FOXK1: variants seen among roughly 807,000 people sequenced by gnomAD.
FOXK1 encodes forkhead box protein K1.
Under a neutral mutation model 51.9 loss-of-function variants are expected in FOXK1, and 19 were observed. That is an observed-to-expected ratio of 0.37 (90% confidence interval 0.26 to 0.54). FOXK1 has a LOEUF of 0.54. Among genes scored for constraint, FOXK1 ranks in the 20% least tolerant of loss-of-function variants. The pLI is 0.87. For missense variants in FOXK1, 870 were observed against 1,032.7 expected (o/e 0.84, Z 2.16); for synonymous variants, 537 against 482.6 (o/e 1.11, Z -1.48).
intron 1 of FOXK1, among the ~76,000 whole-genome samples, chr7:4,713,538 C>G (rs1386370617): frequency 6.6e-6 from 1 of 151,278 alleles, no homozygotes; most frequent in Non-Finnish European, 1.5e-5. Flanking sequence ...TGTCGCCAGG[C>G]TGGAGTGCAG....
rs952682187 is a variant in FOXK1 at position 4,703,516 on chromosome 7, G to A, written c.560+20648G>A. 6.6e-6 allele frequency among the ~76,000 whole-genome samples: 1 copy of A among 152,224 alleles called. No homozygotes were observed. Among genetic ancestry groups the A allele is most frequent in the Admixed American group, 6.5e-5 (1 of 15,288 alleles). ...CCAGGGTGGCCCGACCCTGCTGCGC[G>A]GGAGGGAAAGAGCCACAACAAGTTG... On this transcript the variant is annotated intron_variant, in intron 1 of 8. Transcript: ENST00000328914. The surrounding 1 kb of genome is among the most constrained non-coding windows in gnomAD (Gnocchi z 5.6).
Position 4,682,837 on chromosome 7 carries a change from C to A in FOXK1, c.529C>A (p.Arg177Ser), listed in dbSNP as rs1487494624. Residue 177 changes from arginine (R) to serine (S), a missense_variant, in exon 1 of 9, where the codon CGC becomes AGC. Transcript: ENST00000328914. The surrounding 1 kb of genome is among the most constrained non-coding windows in gnomAD (Gnocchi z 7.6). ...GVFVDGAFQR[R>S]GAPALQLPKQ... ...CTTCGTGGACGGGGCCTTCCAGAGA[C>A]GCGGCGCGCCCGCCCTGCAGCTGCC... 4.5e-6 allele frequency: 7 copies of A among 1,565,292 alleles called. No homozygotes were observed. The South Asian group carries it at 8.0e-5, about 18-fold the overall frequency.
chr7:4,728,262 C>A (rs1424486553), intron 1 of FOXK1, among the ~76,000 whole-genome samples: 1 of 152,206 alleles, frequency 6.6e-6, no homozygotes, highest in African/African-American at 2.4e-5. Flanking sequence ...TGTTGCTGTC[C>A]TTTCAAGGTT....
At chr7:4,718,625 G>A (rs1780268677) in intron 1 of FOXK1, among the ~76,000 whole-genome samples, 1 of 152,210 alleles carries the variant, frequency 6.6e-6, no homozygotes, top group Non-Finnish European at 1.5e-5. Context: ...GGAGTGCAGT[G>A]CCTAAGGCCT....
In FOXK1 at chr7:4,731,567, C is replaced by G. The variant is rs1583199852; in HGVS notation, c.561-9271C>G. Among the ~76,000 whole-genome samples, 1 of 152,256 alleles carries G rather than the reference C, an allele frequency of 6.6e-6. No individual in the cohort carries two copies. The highest frequency in any genetic ancestry group is 1.5e-5 in the Non-Finnish European group (1 of 68,034). On this transcript the variant is annotated intron_variant, in intron 1 of 8. Transcript: ENST00000328914. This position sits in a 1 kb window ranked among gnomAD's most constrained non-coding sequence, Gnocchi z 5.3. The stretch of plus-strand genomic sequence containing the variant: ...CTGAGGTCAGGAGTTCAAGACCAGC[C>G]TGGCCAACATGGTGAAACCCCATCT...
chr7:4,692,367 A>G (rs1185655711), intron 1 of FOXK1, among the ~76,000 whole-genome samples: 1 of 152,186 alleles, frequency 6.6e-6, no homozygotes, highest in African/African-American at 2.4e-5. Context: ...TTGAGACCTC[A>G]CTAAAACCTG....
At chr7:4,724,972 C>G (rs927435673) in intron 1 of FOXK1, among the ~76,000 whole-genome samples, 2 of 152,216 alleles carry the variant, frequency 1.3e-5, no homozygotes, top group African/African-American at 4.8e-5. Flanking sequence ...ATAGTGGGGA[C>G]AGGGAGAGGA....
chr7:4,738,340 G>C (rs771483550), intron 1 of FOXK1, among the ~76,000 whole-genome samples: 5 of 151,838 alleles, frequency 3.3e-5, no homozygotes, highest in African/African-American at 4.8e-5. Context: ...GGGAGGCTGA[G>C]GCAGCAGAAT....
intron 1 of FOXK1, among the ~76,000 whole-genome samples, chr7:4,737,551 C>CGTGTGTGTGTGTGTG (rs762298656): frequency 1.3e-3 from 98 of 76,476 alleles, no homozygotes; most frequent in African/African-American, 5.8e-3. Flanking sequence ...TGTGTGCGTG[C>CGTGTGTGTGTGTGTG]CTGTGTGTGT....
chr7:4,752,651 C>T (rs553234873), intron 2 of FOXK1, among the ~76,000 whole-genome samples: 14 of 152,290 alleles, frequency 9.2e-5, no homozygotes, highest in Middle Eastern at 3.4e-3. Context: ...AGCCTGTGGC[C>T]GGAGATCAGA....
intron 1 of FOXK1, among the ~76,000 whole-genome samples, chr7:4,685,857 C>T (rs1401200224): frequency 6.6e-6 from 1 of 151,698 alleles, no homozygotes; most frequent in Non-Finnish European, 1.5e-5. Flanking sequence ...ACAGAAGAAT[C>T]GCTTGAACCC....
At chr7:4,716,533 A>C (rs1419676925) in intron 1 of FOXK1, among the ~76,000 whole-genome samples, 1 of 152,074 alleles carries the variant, frequency 6.6e-6, no homozygotes, top group Non-Finnish European at 1.5e-5. Context: ...AGAAATACAA[A>C]CCAGCAGAAT....
At chr7:4,694,690 G>C (rs1779931559) in intron 1 of FOXK1, among the ~76,000 whole-genome samples, 1 of 152,198 alleles carries the variant, frequency 6.6e-6, no homozygotes, top group South Asian at 2.1e-4. Flanking sequence ...CTTTGTGCCA[G>C]CCTTGTCTGT....
intron 1 of FOXK1, among the ~76,000 whole-genome samples, chr7:4,717,514 C>G (rs1202343773): frequency 7.0e-6 from 1 of 142,038 alleles, no homozygotes; most frequent in East Asian, 2.2e-4. Context: ...CTGGGAGGTG[C>G]CTGGCTGGGA....
In FOXK1 at chr7:4,762,972, A is replaced by C. The variant is rs929207970; in HGVS notation, c.*508A>C. The C allele has an allele frequency of 6.3e-6, 1 of 159,942 alleles. No homozygotes were observed. Among genetic ancestry groups the C allele is most frequent in the Non-Finnish European group, 1.4e-5 (1 of 72,250 alleles). 9.9% of individuals were successfully genotyped at this position (159,942 alleles called of 1,614,324 possible). On this transcript the variant is annotated 3_prime_UTR_variant, in exon 9 of 9. Transcript: ENST00000328914. This position sits in a 1 kb window ranked among gnomAD's most constrained non-coding sequence, Gnocchi z 5.7. ...ACCACCTAACAGCCTCTCCGCCCGG[A>C]ACGTGACATAGAGAGTGTTGGCATT...
In FOXK1 at chr7:4,731,954, G is replaced by T. The variant is rs915606404; in HGVS notation, c.561-8884G>T. The stretch of plus-strand genomic sequence containing the variant: ...GCATGGAGACCTGAGGCCACACGGA[G>T]GCCGGGCTGGCCAGGGCGGGGCTCA... On this transcript the variant is annotated intron_variant, in intron 1 of 8. Transcript: ENST00000328914. The surrounding 1 kb of genome is among the most constrained non-coding windows in gnomAD (Gnocchi z 5.3). Among the ~76,000 whole-genome samples, 9 of 152,184 alleles carry T rather than the reference G, an allele frequency of 5.9e-5. No individual in the cohort carries two copies. The highest frequency in any genetic ancestry group is 1.2e-4 in the Non-Finnish European group (8 of 68,034).
At position 4,761,297 on chromosome 7, in the gene FOXK1, C is replaced by G; in HGVS notation, c.1921+9C>G. The G allele has an allele frequency of 6.2e-7, 1 of 1,608,994 alleles. No individual in the cohort carries two copies. Among genetic ancestry groups the G allele is most frequent in the South Asian group, 1.1e-5 (1 of 90,796 alleles). ...AGCCGGCAACGCTTACGGTGAGGCC[C>G]TGGCCCTGTTCTCCATGCCACATCC... On this transcript the variant is annotated intron_variant, in intron 8 of 8. Transcript: ENST00000328914. This position sits in a 1 kb window ranked among gnomAD's most constrained non-coding sequence, Gnocchi z 6.2.
intron 1 of FOXK1, among the ~76,000 whole-genome samples, chr7:4,728,538 T>C (rs1780409814): frequency 6.6e-6 from 1 of 152,132 alleles, no homozygotes; most frequent in Non-Finnish European, 1.5e-5. Flanking sequence ...CCCTCTGCCC[T>C]GTGGGAGCCA....
Position 4,730,612 on chromosome 7 carries a change from C to T in FOXK1, c.561-10226C>T, listed in dbSNP as rs990049708. Among the ~76,000 whole-genome samples the T allele has an allele frequency of 3.3e-5, 5 of 152,156 alleles. No homozygotes were observed. Among genetic ancestry groups the T allele is most frequent in the Admixed American group, 2.6e-4 (4 of 15,276 alleles). ...AAGTTTGTGCCTTATTTTCCAAAGC[C>T]GCCACACTTGAGACGTCCTTGCTGC... On this transcript the variant is annotated intron_variant, in intron 1 of 8. Transcript: ENST00000328914. The surrounding 1 kb of genome is among the most constrained non-coding windows in gnomAD (Gnocchi z 4.7).
Sources: gnomAD v4.1 joint callset for allele counts (sites outside exome capture counted in the v4.1 genomes callset) on GRCh38, gnomAD v4.1.1 for gene constraint, Gnocchi (gnomAD v3.1) non-coding constraint, MANE v1.5 for transcripts, NCBI Gene and HGNC (gene_info 2026-07-23, HGNC 2026-07-21) for gene names.